The following RADIL variants were observed in gnomAD, a reference collection of about 807,000 sequenced individuals.
RADIL encodes ras-associating and dilute domain-containing protein.
A neutral mutation model predicts 97.6 loss-of-function variants in RADIL; 99 were observed. The ratio of observed to expected loss-of-function variants is 1.01; its 90% CI spans 0.86 to 1.20. The LOEUF (loss-of-function observed/expected upper bound fraction) is 1.20, where lower values mean the gene tolerates loss of function less well. Among genes scored for constraint, RADIL ranks in the 50% most tolerant of loss-of-function variants. The pLI is 0.00. For missense variants in RADIL, 1,765 were observed against 1,498.9 expected, an observed-to-expected ratio of 1.18 and a Z score of -2.93; for synonymous variants, 803 against 691.8, an observed-to-expected ratio of 1.16 and a Z score of -2.52.
rs577881457 is a variant in RADIL at position 4,825,471 on chromosome 7, C to T, written c.1455-2917G>A. On this transcript the variant is annotated intron_variant, in intron 5 of 14. Coordinates refer to ENST00000399583, the MANE Select transcript of RADIL (RefSeq NM_018059.5). ...GGCGTGCCCCAAAAAATGGGTCAGC[C>T]ACATCCACCCACCTGGAGAGGTTGT... Among the ~76,000 whole-genome samples the T allele has an allele frequency of 7.9e-5, 12 of 152,284 alleles. No individual in the cohort carries two copies. In the South Asian group the frequency reaches 2.1e-3, roughly 26 times the overall value.
At chr7:4,860,520 T>C (rs771952121) in intron 2 of RADIL, 124 of 1,614,054 alleles carry the variant, frequency 7.7e-5, no homozygotes, top group Middle Eastern at 1.6e-4. Context: ...AATTCTTCCA[T>C]ATCAGGATTT....
At chr7:4,868,317 C>A (rs1160366057) in intron 2 of RADIL, among the ~76,000 whole-genome samples, 1 of 152,250 alleles carries the variant, frequency 6.6e-6, no homozygotes, top group Non-Finnish European at 1.5e-5. Context: ...CCGCCTCGGC[C>A]TCCCAAAGTG....
In RADIL at chr7:4,883,204, G is replaced by C. The variant is rs1452686875; in HGVS notation, c.-65+392C>G. ...GCTGCGCCCCGCTCCCCCGCTGCGC[G>C]CCCCGGACGAAGCTCCCCCTCCAGG... On this transcript the variant is annotated intron_variant, in intron 1 of 14. Transcript: ENST00000399583. This position sits in a 1 kb window ranked among gnomAD's most constrained non-coding sequence, Gnocchi z 7.1. Among the ~76,000 whole-genome samples, 1 of 142,624 alleles carries C rather than the reference G, an allele frequency of 7.0e-6. No individual in the cohort carries two copies. Among genetic ancestry groups the C allele is most frequent in the Non-Finnish European group, 1.5e-5 (1 of 67,814 alleles). 93.6% of individuals were successfully genotyped at this position (142,624 alleles called of 152,430 possible).
rs987810160 is a variant in RADIL at position 4,872,457 on chromosome 7, G to A, written c.535+5148C>T. On this transcript the variant is annotated intron_variant, in intron 2 of 14. Transcript: ENST00000399583. The surrounding 1 kb of genome is among the most constrained non-coding windows in gnomAD (Gnocchi z 5.8). ...AAGGCAAACCAAGCCTCCCCTCACC[G>A]TTCCCCAGCCCCTGACAAAAACCAC... 6.6e-6 allele frequency among the ~76,000 whole-genome samples: 1 copy of A among 151,826 alleles called. No individual in the cohort carries two copies. The highest frequency in any genetic ancestry group is 1.5e-5 in the Non-Finnish European group (1 of 67,992).
rs882739 is a variant in RADIL, at chr7:4,822,264, A to G, written c.1615+130T>C. The G allele has an allele frequency of 0.22, 266,784 of 1,186,782 alleles. 34,298 individuals are homozygous for G. The highest frequency in any genetic ancestry group is 0.5 in the African/African-American group (32,723 of 64,832). The allele number at this position is 1,186,782 out of a possible 1,614,324, so 73.5% of individuals were successfully genotyped here. A position where few individuals can be genotyped will look rare whatever the true frequency, so the allele number is the denominator to read the frequency against. ...GCAACTGACACATGGCAGCCTAGGG[A>G]CTGAGGAAGCCCCCGGCATGAATCC... On this transcript the variant is annotated intron_variant, in intron 6 of 14. Transcript: ENST00000399583. This position sits in a 1 kb window ranked among gnomAD's most constrained non-coding sequence, Gnocchi z 5.3.
At chr7:4,831,618 G>A (rs1367050068) in intron 5 of RADIL, among the ~76,000 whole-genome samples, 10 of 142,494 alleles carry the variant, frequency 7.0e-5, no homozygotes, top group Non-Finnish European at 1.2e-4. Context: ...AGTGGCTCAC[G>A]CCTGTAATCC....
intron 11 of RADIL, 84 bp downstream of exon 11, chr7:4,803,462 C>T: frequency 8.0e-7 from 1 of 1,243,424 alleles, no homozygotes; most frequent in East Asian, 2.6e-5. Flanking sequence ...TGGCCCCCTC[C>T]CCGGGCACCT....
Position 4,838,004 on chromosome 7 carries a change from C to T in RADIL, c.536-1399G>A, listed in dbSNP as rs1315891700. The stretch of plus-strand genomic sequence containing the variant: ...GTCAGCTGGCTGAGGAAGACCCTTA[C>T]CAGCGCCAGCAGCCCCGCCGTCCTT... On this transcript the variant is annotated intron_variant, in intron 2 of 14. Coordinates refer to ENST00000399583, the MANE Select transcript of RADIL (RefSeq NM_018059.5). The T allele has an allele frequency of 4.1e-6, 4 of 985,292 alleles. No homozygotes were observed. In the Admixed American group the frequency reaches 2.5e-4, roughly 61 times the overall value. The allele number at this position is 985,292 out of a possible 1,614,324, so 61.0% of individuals were successfully genotyped here. A position where few individuals can be genotyped will look rare whatever the true frequency, so the allele number is the denominator to read the frequency against.
chr7:4,866,149 T>C (rs1784126111), intron 2 of RADIL, among the ~76,000 whole-genome samples: 1 of 152,176 alleles, frequency 6.6e-6, no homozygotes, highest in Non-Finnish European at 1.5e-5. Flanking sequence ...TGCGTGTGCA[T>C]GTATGTGTGT....
At position 4,840,386 on chromosome 7, in the gene RADIL, G is replaced by A. The variant is rs145700565; in HGVS notation, c.536-3781C>T. ...CTTTGGGTGGAGGGAGACAGGAGCC[G>A]AGGCACGTGGAGAGCATCCCTCGTG... On this transcript the variant is annotated intron_variant, in intron 2 of 14. Transcript: ENST00000399583. The surrounding 1 kb of genome is among the most constrained non-coding windows in gnomAD (Gnocchi z 5.6). 5.9e-5 allele frequency among the ~76,000 whole-genome samples: 9 copies of A among 152,228 alleles called. No homozygotes were observed. The highest frequency in any genetic ancestry group is 1.0e-4 in the Non-Finnish European group (7 of 68,010).
intron 2 of RADIL, chr7:4,861,826 C>T: frequency 7.0e-7 from 1 of 1,420,786 alleles, no homozygotes; most frequent in Non-Finnish European, 9.2e-7. Context: ...AGCGCCCGCC[C>T]CGCCAGGGCA....
chr7:4,855,644 A>G (rs962788693), intron 2 of RADIL, among the ~76,000 whole-genome samples: 6 of 147,636 alleles, frequency 4.1e-5, no homozygotes, highest in African/African-American at 5.2e-5. Context: ...AAAAAAAAAA[A>G]AAAGAAATGC....
chr7:4,802,058 A>C, intron 11 of RADIL, 63 bp from the exon 12 acceptor site: 1 of 1,355,420 alleles, frequency 7.4e-7, no homozygotes, highest in East Asian at 2.5e-5. Context: ...GCACTCGGGC[A>C]ACTGGGCAGC....
intron 2 of RADIL, among the ~76,000 whole-genome samples, chr7:4,874,410 G>T (rs527687066): frequency 6.6e-6 from 1 of 152,224 alleles, no homozygotes; most frequent in Non-Finnish European, 1.5e-5. Flanking sequence ...CCAGGCAGAG[G>T]CTCAATAACC....
Position 4,834,146 on chromosome 7 carries a change from G to A in RADIL, c.1416+461C>T, listed in dbSNP as rs996965609. Among the ~76,000 whole-genome samples, 3 of 152,148 alleles carry A rather than the reference G, an allele frequency of 2.0e-5. No individual in the cohort carries two copies. Among genetic ancestry groups the A allele is most frequent in the Non-Finnish European group, 4.4e-5 (3 of 68,028 alleles). ...AACTCGGATCAGGGATGGCTCCAGC[G>A]GGTATGTGCTCAACCGGCCCCTGGC... On this transcript the variant is annotated intron_variant, in intron 4 of 14. Coordinates refer to ENST00000399583, the MANE Select transcript of RADIL (RefSeq NM_018059.5). The surrounding 1 kb of genome is among the most constrained non-coding windows in gnomAD (Gnocchi z 6.0).
At chr7:4,816,512 T>A (rs1782682693) in intron 7 of RADIL, 47 bp from the exon 8 acceptor site, 1 of 1,528,732 alleles carries the variant, frequency 6.5e-7, no homozygotes, top group Non-Finnish European at 9.0e-7. Context: ...CCAGGAGCGC[T>A]GGCGGCCGAA....
intron 11 of RADIL, among the ~76,000 whole-genome samples, chr7:4,802,590 G>T (rs1251753139): frequency 1.6e-5 from 2 of 122,202 alleles, no homozygotes; most frequent in African/African-American, 3.2e-5. Flanking sequence ...CTCTAGCTGG[G>T]GGGCCCCCTC....
intron 9 of RADIL, among the ~76,000 whole-genome samples, chr7:4,807,982 TCTC>T (rs1782391228): frequency 1.7e-5 from 1 of 60,482 alleles, no homozygotes; most frequent in Non-Finnish European, 3.0e-5. Context: ...CTCCTCCCTC[TCTC>T]CCTGTCTCTC....
rs1198107440 is a variant in RADIL, at chr7:4,878,106, G to A, written c.34C>T (p.Pro12Ser). The A allele has an allele frequency of 6.3e-7, 1 of 1,581,702 alleles. No homozygotes were observed. Among genetic ancestry groups the A allele is most frequent in the African/African-American group, 1.3e-5 (1 of 74,412 alleles). ...FYGTHFIMSP[P>S]TKSKLKRQSQ... ...TGCCGCTTCAGTTTGCTCTTGGTGGGCGGGGACATGATGAAGTGCGTCCCA... is the reference window on the plus strand; with the variant it reads ...TGCCGCTTCAGTTTGCTCTTGGTGGACGGGGACATGATGAAGTGCGTCCCA... The change falls in exon 2 of 15, where the codon CCC (proline) becomes TCC (serine). Residue 12 changes from proline to serine, a missense_variant. By Grantham distance (74) the Pro-to-Ser change is moderately conservative. Transcript: ENST00000399583. This position sits in a 1 kb window ranked among gnomAD's most constrained non-coding sequence, Gnocchi z 4.1.
Sources: allele counts gnomAD v4.1 joint callset (sites outside exome capture counted in the v4.1 genomes callset), GRCh38; gene constraint gnomAD v4.1.1; non-coding constraint Gnocchi (gnomAD v3.1); transcripts MANE v1.5; gene names NCBI Gene and HGNC (gene_info 2026-07-23, HGNC 2026-07-21).